Variants in POLB observed in about 807,000 individuals in gnomAD.
POLB encodes DNA polymerase beta, also known as 5'-dRP lyase.
A neutral mutation model predicts 52.7 loss-of-function variants in POLB; 37 were observed. The observed-to-expected ratio is 0.70, with a 90% confidence interval of 0.54 to 0.92. The LOEUF (loss-of-function observed/expected upper bound fraction) is 0.92, where lower values mean the gene tolerates loss of function less well. POLB is among the 40% of genes least tolerant of loss of function. The probability of loss-of-function intolerance (pLI) is 0.00; values close to 1 mark genes in which losing one functional copy is unlikely to be tolerated. For missense variants in POLB, 313 were observed against 400.8 expected (o/e 0.78, Z 1.87); for synonymous variants, 138 against 131.3 (o/e 1.05, Z -0.35).
chr8:42,338,824 C>T lies in POLB; in HGVS notation c.61+139C>T, dbSNP rs561854417. On this transcript the variant is annotated intron_variant, in intron 1 of 13. Transcript: ENST00000265421. ...GTCGTCTTCCGTGGGGATCTCCCTC[C>T]GGCGCCCCTGGCTGGTTGTCAGTCC... The T allele has an allele frequency of 3.2e-5, 32 of 998,830 alleles. No individual in the cohort carries two copies. In the East Asian group the frequency reaches 7.6e-4, roughly 24 times the overall value. 61.9% of individuals were successfully genotyped at this position (998,830 alleles called of 1,614,324 possible). A position where few individuals can be genotyped will look rare whatever the true frequency, so the allele number is the denominator to read the frequency against.
intron 10 of POLB, 179 bp downstream of exon 10, chr8:42,361,544 T>A (rs1823688390): frequency 3.5e-5 from 21 of 595,236 alleles, no homozygotes; most frequent in Non-Finnish European, 5.4e-5. Context: ...TACCTATTAT[T>A]CTTCCATGAG....
chr8:42,357,876 GC>G (rs1823423783), intron 9 of POLB: 1 of 152,472 alleles, frequency 6.6e-6, no homozygotes, highest in African/African-American at 2.4e-5. Flanking sequence ...ACAGGCGTGT[GC>G]CACCATGCCC....
rs1340312829 is a variant in POLB, at chr8:42,338,680, T to C, written c.56T>C (p.Leu19Pro). The change falls in exon 1 of 14, where the codon CTC becomes CCC. Residue 19 changes from leucine (L) to proline (P), a missense_variant. This residue lies in a region of POLB where 54 missense variants were observed against 63.4 expected (regional missense o/e 0.85). Coordinates refer to ENST00000265421, the MANE Select transcript of POLB (RefSeq NM_002690.3). Reference protein sequence around the residue: ...ETLNGGITDMLTELANFEKNV... With the variant: ...ETLNGGITDMPTELANFEKNV... ...CTCAACGGGGGAATCACCGACATGC[T>C]CACAGGTTAGCACCGGGCCGGGCCC... 11 of 1,614,052 alleles carry C rather than the reference T, an allele frequency of 6.8e-6. No individual in the cohort carries two copies. The highest frequency in any genetic ancestry group is 2.2e-5 in the East Asian group (1 of 44,886).
intron 2 of POLB, among the ~76,000 whole-genome samples, chr8:42,341,309 A>G (rs1477824220): frequency 1.3e-5 from 2 of 152,226 alleles, no homozygotes; most frequent in East Asian, 1.9e-4. Flanking sequence ...CACAGTGCCA[A>G]TGACCTGGAA....
chr8:42,338,749 T>A, intron 1 of POLB, 64 bp downstream of exon 1: 1 of 1,490,024 alleles, frequency 6.7e-7, no homozygotes, highest in Admixed American at 1.7e-5. Flanking sequence ...CCTGCCTTCC[T>A]TCTCTCCCAC....
At chr8:42,365,102 A>T (rs966036843) in intron 11 of POLB, among the ~76,000 whole-genome samples, 2 of 152,152 alleles carry the variant, frequency 1.3e-5, no homozygotes, top group African/African-American at 4.8e-5. Flanking sequence ...AGAAAAAAAA[A>T]ATAGATGGCC....
intron 2 of POLB, chr8:42,342,434 G>A (rs923200366): frequency 9.3e-6 from 13 of 1,391,338 alleles, no homozygotes; most frequent in African/African-American, 7.1e-5. Context: ...CCCTCTATAC[G>A]GGCATAAGCA....
At chr8:42,361,428 G>C in intron 10 of POLB, 63 bp downstream of exon 10, 1 of 1,092,044 alleles carries the variant, frequency 9.2e-7, no homozygotes, top group Non-Finnish European at 1.4e-6. Context: ...CACTTTTTAA[G>C]TGATAGTTGG....
intron 2 of POLB, chr8:42,342,742 C>A: frequency 2.8e-6 from 1 of 358,826 alleles, no homozygotes; most frequent in Non-Finnish European, 5.2e-6. Context: ...CGTCTGTAAT[C>A]CCACCACTTT....
intron 2 of POLB, among the ~76,000 whole-genome samples, chr8:42,344,074 T>C (rs1353703668): frequency 1.5e-5 from 2 of 135,042 alleles, no homozygotes; most frequent in Middle Eastern, 5.2e-3. Context: ...GAGGTGACAG[T>C]GAGCTGAGAT....
intron 11 of POLB, among the ~76,000 whole-genome samples, chr8:42,363,310 C>G (rs915178515): frequency 6.6e-6 from 1 of 151,670 alleles, no homozygotes; most frequent in East Asian, 1.9e-4. Flanking sequence ...CAGCGGATTA[C>G]AAGGTCAGGT....
chr8:42,370,922 T>C (rs1824348271), intron 13 of POLB, among the ~76,000 whole-genome samples: 2 of 152,226 alleles, frequency 1.3e-5, no homozygotes, highest in East Asian at 3.8e-4. Context: ...TTGTTCTAGA[T>C]AATGCCAGTG....
At chr8:42,358,779 A>G (rs2130828000) in intron 9 of POLB, among the ~76,000 whole-genome samples, 1 of 152,336 alleles carries the variant, frequency 6.6e-6, no homozygotes, top group Non-Finnish European at 1.5e-5. Context: ...CAAATCTACC[A>G]CTATTATGTC....
intron 9 of POLB, among the ~76,000 whole-genome samples, chr8:42,360,607 A>G (rs958147642): frequency 1.3e-5 from 2 of 152,220 alleles, no homozygotes; most frequent in Non-Finnish European, 1.5e-5. Context: ...AAAAAATTCC[A>G]TCTCAGTGGA....
At chr8:42,356,728 C>T (rs1823340528) in intron 7 of POLB, among the ~76,000 whole-genome samples, 1 of 152,020 alleles carries the variant, frequency 6.6e-6, no homozygotes, top group African/African-American at 2.4e-5. Context: ...CTGACTTCTT[C>T]CACTTAGCAT....
Position 42,369,290 on chromosome 8 carries a change from G to A in POLB, c.728G>A (p.Ser243Asn). 3 of 1,587,470 alleles carry A rather than the reference G, an allele frequency of 1.9e-6. No homozygotes were observed. Among genetic ancestry groups the A allele is most frequent in the Non-Finnish European group, 2.6e-6 (3 of 1,157,154 alleles). ...TKFMGVCQLP[S>N]KNDEKEYPHR... ...TTTTAGGGTGTTTGCCAGCTTCCCA[G>A]TAAAAATGATGAAAAAGAATATCCA... The change falls in exon 12 of 14, where the codon AGT becomes AAT. Residue 243 changes from serine (S) to asparagine (N), a missense_variant. Physicochemically the swap from Ser to Asn is conservative, Grantham distance 46. This residue lies in a region of POLB where 246 missense variants were observed against 297.6 expected (regional missense o/e 0.83). Coordinates refer to ENST00000265421, the MANE Select transcript of POLB (RefSeq NM_002690.3).
Position 42,352,240 on chromosome 8 carries a change from GTTCAATGAATGAACAGTT to G in POLB, c.321-273_321-256del, listed in dbSNP as rs561091644. Among the ~76,000 whole-genome samples the G allele has an allele frequency of 7.9e-5, 12 of 152,204 alleles. No individual in the cohort carries two copies. The South Asian group carries it at 2.5e-3, about 32-fold the overall frequency. ...ACATAATGGCCCTCAGTAAATCTTAGTTCAATGAATGAACAGTTTTCAAGTGCCATCTGTACATGGGCA... is the reference window on the plus strand; with the variant it reads ...ACATAATGGCCCTCAGTAAATCTTAGTTCAAGTGCCATCTGTACATGGGCA... On this transcript the variant is annotated intron_variant, in intron 5 of 13. Transcript: ENST00000265421.
Position 42,358,450 on chromosome 8 carries a change from C to T in POLB, c.550+1058C>T, listed in dbSNP as rs187270485. Among the ~76,000 whole-genome samples the T allele has an allele frequency of 3.4e-3, 515 of 151,854 alleles. 5 individuals carry two copies. Among genetic ancestry groups the T allele is most frequent in the African/African-American group, 0.012 (486 of 41,426 alleles). ...CTGGGAGGCGGAGCTTGCAGTGAGC[C>T]GAGATCAAGCCGCTGCACTCCAGCC... is the stretch of plus-strand genomic sequence containing the variant. On this transcript the variant is annotated intron_variant, in intron 9 of 13. Transcript: ENST00000265421.
At chr8:42,355,046 T>C (rs1280564618) in intron 6 of POLB, among the ~76,000 whole-genome samples, 1 of 151,972 alleles carries the variant, frequency 6.6e-6, no homozygotes, top group Non-Finnish European at 1.5e-5. Context: ...TTGTTGTCGT[T>C]GTTGTTTTTC....
Sources: gnomAD v4.1 joint callset for allele counts (sites outside exome capture counted in the v4.1 genomes callset) on GRCh38, gnomAD v4.1.1 for gene constraint, gnomAD v4.1.1 regional missense constraint, MANE v1.5 for transcripts, NCBI Gene and HGNC (gene_info 2026-07-23, HGNC 2026-07-21) for gene names.